The following RIC1 variants were observed in gnomAD, a reference collection of about 807,000 sequenced individuals.
The protein encoded by RIC1 is guanine nucleotide exchange factor subunit RIC1.
In RIC1, 88 loss-of-function variants were observed where a neutral mutation model predicts 169.0. That is an observed-to-expected ratio of 0.52 (90% CI 0.44 to 0.62). RIC1 has a LOEUF of 0.62. RIC1 is among the 20% of genes least tolerant of loss of function. The pLI is 0.00. For missense variants in RIC1, 1,877 were observed against 1,725.5 expected, an observed-to-expected ratio of 1.09 and a Z score of -1.56; for synonymous variants, 790 against 601.5, an observed-to-expected ratio of 1.31 and a Z score of -4.59.
At chr9:5,705,392 G>T (rs572586261) in intron 3 of RIC1, among the ~76,000 whole-genome samples, 2 of 151,890 alleles carry the variant, frequency 1.3e-5, no homozygotes, top group African/African-American at 4.8e-5. Flanking sequence ...TTATTCCCAA[G>T]TATTTTATTC....
intron 1 of RIC1, among the ~76,000 whole-genome samples, chr9:5,638,105 A>C (rs906821368): frequency 1.3e-5 from 2 of 152,176 alleles, no homozygotes; most frequent in Non-Finnish European, 2.9e-5. Context: ...TGAAATGATC[A>C]TATAGTTTTG....
intron 21 of RIC1, among the ~76,000 whole-genome samples, chr9:5,766,959 G>A (rs146286555): frequency 0.045 from 6,858 of 152,232 alleles, 465 homozygotes; most frequent in African/African-American, 0.15. Flanking sequence ...CATTCCCACC[G>A]GCAGTGTAGA....
chr9:5,677,891 G>A (rs1272270368), intron 2 of RIC1, among the ~76,000 whole-genome samples: 1 of 151,500 alleles, frequency 6.6e-6, no homozygotes, highest in African/African-American at 2.4e-5. Context: ...GGGTACATGT[G>A]CACAATGTGT....
At chr9:5,772,146 C>T (rs1245468679) in intron 23 of RIC1, among the ~76,000 whole-genome samples, 1 of 152,196 alleles carries the variant, frequency 6.6e-6, no homozygotes, top group African/African-American at 2.4e-5. Flanking sequence ...CCCCCACCCT[C>T]TCCTTTTCCC....
At chr9:5,671,268 A>ATTTT (rs1820077501) in intron 2 of RIC1, among the ~76,000 whole-genome samples, 2 of 148,294 alleles carry the variant, frequency 1.3e-5, no homozygotes, top group African/African-American at 5.1e-5. Context: ...TATTATTATT[A>ATTTT]TTATTATTTT....
chr9:5,677,522 A>G (rs747649938), intron 2 of RIC1, among the ~76,000 whole-genome samples: 1 of 151,868 alleles, frequency 6.6e-6, no homozygotes. Flanking sequence ...TTACTTCTAT[A>G]TACTTCATTC....
At chr9:5,630,391 C>T (rs1421813257) in intron 1 of RIC1, among the ~76,000 whole-genome samples, 1 of 152,158 alleles carries the variant, frequency 6.6e-6, no homozygotes, top group African/African-American at 2.4e-5. Context: ...TTTCTCCTTT[C>T]CAAGTTAATT....
chr9:5,676,178 A>G (rs1820429414), intron 2 of RIC1, among the ~76,000 whole-genome samples: 1 of 152,166 alleles, frequency 6.6e-6, no homozygotes, highest in South Asian at 2.1e-4. Context: ...CAGACTCCCA[A>G]AGTGCTGGGA....
chr9:5,653,883 A>T (rs1031226489), intron 1 of RIC1, among the ~76,000 whole-genome samples: 1 of 152,202 alleles, frequency 6.6e-6, no homozygotes, highest in Non-Finnish European at 1.5e-5. Context: ...GGCATGCACA[A>T]CCACACCCAG....
chr9:5,686,013 A>G (rs921227611), intron 2 of RIC1, among the ~76,000 whole-genome samples: 12 of 152,094 alleles, frequency 7.9e-5, no homozygotes, highest in South Asian at 2.1e-4. Context: ...GCAGCCAAAA[A>G]ACACATGAAA....
chr9:5,762,923 T>C (rs549919512), intron 18 of RIC1, among the ~76,000 whole-genome samples: 8 of 152,338 alleles, frequency 5.3e-5, no homozygotes, highest in Non-Finnish European at 1.0e-4. Flanking sequence ...AGGGATAGAC[T>C]GGTGAAGTTC....
At position 5,747,485 on chromosome 9, in the gene RIC1, C is replaced by A. The variant is rs201362251; in HGVS notation, c.1432C>A (p.Arg478=). Reference sequence around the variant, plus strand: ...GGGATTAAGCACTTTACTTGGACATCGGCATTGGCATGTTGTACAGGTAAA... The same window carrying A: ...GGGATTAAGCACTTTACTTGGACATAGGCATTGGCATGTTGTACAGGTAAA... ...SQGLSTLLGH[R]HWHVVQISST... The change falls in exon 12 of 26, where the codon CGG becomes AGG. Residue 478 remains arginine, a synonymous_variant. Transcript: ENST00000414202. 180 of 1,613,796 alleles carry A rather than the reference C, an allele frequency of 1.1e-4. 2 individuals are homozygous for A. In the South Asian group the frequency reaches 1.7e-3, roughly 15 times the overall value.
At chr9:5,733,749 A>G (rs74583032) in intron 7 of RIC1, among the ~76,000 whole-genome samples, 2 of 151,904 alleles carry the variant, frequency 1.3e-5, no homozygotes, top group Non-Finnish European at 2.9e-5. Context: ...CTTTTTTTTA[A>G]TGTTTGTGGA....
intron 2 of RIC1, among the ~76,000 whole-genome samples, chr9:5,661,704 T>C (rs1259992659): frequency 6.6e-6 from 1 of 152,222 alleles, no homozygotes; most frequent in East Asian, 1.9e-4. Context: ...TTTGCTGAAG[T>C]TGCTTATCAG....
chr9:5,665,332 G>C (rs974016171), intron 2 of RIC1, among the ~76,000 whole-genome samples: 1 of 152,158 alleles, frequency 6.6e-6, no homozygotes, highest in Non-Finnish European at 1.5e-5. Flanking sequence ...TAAGAACTTG[G>C]CACGTCCTGT....
At chr9:5,752,832 G>C (rs138406576) in intron 12 of RIC1, among the ~76,000 whole-genome samples, 2 of 152,132 alleles carry the variant, frequency 1.3e-5, no homozygotes, top group South Asian at 4.1e-4. Flanking sequence ...TATTAGATTA[G>C]GTTGTTTTGG....
At chr9:5,702,975 A>G (rs569409927) in intron 3 of RIC1, among the ~76,000 whole-genome samples, 10 of 152,282 alleles carry the variant, frequency 6.6e-5, no homozygotes, top group South Asian at 6.2e-4. Flanking sequence ...GGGGATTACA[A>G]TTTGACATAA....
chr9:5,718,655 A>G (rs1823411069), intron 4 of RIC1, among the ~76,000 whole-genome samples: 1 of 152,230 alleles, frequency 6.6e-6, no homozygotes, highest in Admixed American at 6.5e-5. Flanking sequence ...TAGTGCATCT[A>G]AAACATAAAC....
chr9:5,740,119 A>G (rs1442599201), intron 8 of RIC1, among the ~76,000 whole-genome samples: 1 of 152,170 alleles, frequency 6.6e-6, no homozygotes, highest in Non-Finnish European at 1.5e-5. Context: ...CTTAGGAGCA[A>G]CCAACTAGCT....
Sources: gnomAD v4.1 joint callset for allele counts (sites outside exome capture counted in the v4.1 genomes callset) on GRCh38, gnomAD v4.1.1 for gene constraint, MANE v1.5 for transcripts, NCBI Gene and HGNC (gene_info 2026-07-23, HGNC 2026-07-21) for gene names.